LIPE: variants seen among roughly 807,000 people sequenced by gnomAD.
The protein encoded by LIPE is lipase E, hormone sensitive type.
A neutral mutation model predicts 88.5 loss-of-function variants in LIPE; 66 were observed. The ratio of observed to expected loss-of-function variants is 0.75; its 90% CI spans 0.61 to 0.91. The LOEUF (loss-of-function observed/expected upper bound fraction) is 0.91. Ranked by LOEUF, LIPE falls within the 40% of genes least tolerant of loss-of-function variation. LIPE has a pLI of 0.00. For synonymous variants in LIPE, 570 were observed against 617.5 expected (o/e 0.92, Z 1.14); for missense variants, 1,346 against 1,434.7 (o/e 0.94, Z 1.00).
chr19:42,415,279 A>C (rs1277238018), intron 1 of LIPE, among the ~76,000 whole-genome samples: 2 of 152,150 alleles, frequency 1.3e-5, no homozygotes, highest in Non-Finnish European at 2.9e-5. Context: ...AATAGAAATC[A>C]GGCCAATTAA....
rs2229615 is a variant in LIPE, at chr19:42,405,518, G to C, written c.2409C>G (p.Leu803=). Reference sequence around the variant, plus strand: ...CCCGCCGCACCAGCCCCATCATGCCGAGGGCTTTCTGGTCTGAGTTGGAGT... The same window carrying C: ...CCCGCCGCACCAGCCCCATCATGCCCAGGGCTTTCTGGTCTGAGTTGGAGT... The part of the protein sequence containing the change: ...EDHSNSDQKA[L]GMMGLVRRDT... The change falls in exon 8 of 10, where the codon CTC becomes CTG. Residue 803 remains leucine, a synonymous_variant. Transcript: ENST00000244289. The C allele has an allele frequency of 2.5e-6, 4 of 1,614,184 alleles. No individual in the cohort carries two copies. Among genetic ancestry groups the C allele is most frequent in the Non-Finnish European group, 3.4e-6 (4 of 1,180,026 alleles).
chr19:42,402,040 G>A lies in LIPE; in HGVS notation c.3003C>T (p.Val1001=). Reference sequence around the variant, plus strand: ...GGTTGCGCAGTCGCCGCGCGAGCATGACCGAGTCGTCCAGCATGGGGTCCA... The same window carrying A: ...GGTTGCGCAGTCGCCGCGCGAGCATAACCGAGTCGTCCAGCATGGGGTCCA... ...CALDPMLDDS[V]MLARRLRNLG... Residue 1001 remains valine, a synonymous_variant, in exon 10 of 10, where the codon GTC becomes GTT. Transcript: ENST00000244289. 1 of 1,529,614 alleles carries A rather than the reference G, an allele frequency of 6.5e-7. No homozygotes were observed. The highest frequency in any genetic ancestry group is 2.0e-5 in the Admixed American group (1 of 49,236). 94.8% of individuals were successfully genotyped at this position (1,529,614 alleles called of 1,614,324 possible).
intron 1 of LIPE, among the ~76,000 whole-genome samples, chr19:42,413,388 A>G (rs967612643): frequency 1.3e-5 from 2 of 152,212 alleles, no homozygotes; most frequent in African/African-American, 2.4e-5. Flanking sequence ...GCCTTGGGCC[A>G]GGCGTGGTGG....
In LIPE at chr19:42,405,450, G is replaced by T. The variant is rs747830282; in HGVS notation, c.2477C>A (p.Ser826Ter). The change falls in exon 8 of 10, where the codon TCA becomes TAA. Residue 826 changes from serine (S) to a stop codon, truncating the protein, a stop_gained. Coordinates refer to ENST00000244289, the MANE Select transcript of LIPE (RefSeq NM_005357.4). LOFTEE classifies it high-confidence loss of function. Reference sequence around the variant, plus strand: ...TAACTCCAGGAAGGAGTTGAGCCATGAGGAGGCACCCAGGCGGAAGTCTCG... The same window carrying T: ...TAACTCCAGGAAGGAGTTGAGCCATTAGGAGGCACCCAGGCGGAAGTCTCG... ...LLRDFRLGAS[S>*]WLNSFLELSG... 1 of 1,613,990 alleles carries T rather than the reference G, an allele frequency of 6.2e-7. No homozygotes were observed. The highest frequency in any genetic ancestry group is 8.5e-7 in the Non-Finnish European group (1 of 1,180,046).
intron 1 of LIPE, among the ~76,000 whole-genome samples, chr19:42,419,816 C>T (rs981841935): frequency 6.6e-6 from 1 of 152,020 alleles, no homozygotes; most frequent in Non-Finnish European, 1.5e-5. Flanking sequence ...GTGGCTGGAT[C>T]CCCGAGAGTG....
Position 42,410,202 on chromosome 19 carries a change from T to A in LIPE, c.1419+105A>T. On this transcript the variant is annotated intron_variant, in intron 2 of 9. Coordinates refer to ENST00000244289, the MANE Select transcript of LIPE (RefSeq NM_005357.4). This position sits in a 1 kb window ranked among gnomAD's most constrained non-coding sequence, Gnocchi z 6.1. ...CTTTCTGTACCTGCTGTTTGCTGAG[T>A]CCGATAATGCTGACCACTGGTTACT... The A allele has an allele frequency of 8.6e-7, 1 of 1,168,670 alleles. No homozygotes were observed. Among genetic ancestry groups the A allele is most frequent in the Non-Finnish European group, 1.2e-6 (1 of 848,712 alleles). The allele number at this position is 1,168,670 out of a possible 1,614,324, so 72.4% of individuals were successfully genotyped here.
chr19:42,403,470 C>CAA, intron 8 of LIPE, among the ~76,000 whole-genome samples: 1 of 147,492 alleles, frequency 6.8e-6, no homozygotes, highest in Non-Finnish European at 1.5e-5. Context: ...TTTTTTGAGA[C>CAA]AAAGTCTCGC....
chr19:42,423,197 G>A (rs1379134546), intron 1 of LIPE: 2 of 303,126 alleles, frequency 6.6e-6, no homozygotes, highest in Admixed American at 4.9e-5. Context: ...CTGCTCCCAA[G>A]CCGATCCGGG....
At chr19:42,417,535 G>A (rs995230430) in intron 1 of LIPE, among the ~76,000 whole-genome samples, 2 of 152,070 alleles carry the variant, frequency 1.3e-5, no homozygotes, top group African/African-American at 4.8e-5. Context: ...GAGTAGCTGG[G>A]AGAGTCACTG....
At chr19:42,418,059 C>T (rs1316111370) in intron 1 of LIPE, among the ~76,000 whole-genome samples, 2 of 151,700 alleles carry the variant, frequency 1.3e-5, no homozygotes, top group South Asian at 4.2e-4. Flanking sequence ...CTCAGCTCAC[C>T]GCAACCTCCG....
intron 1 of LIPE, among the ~76,000 whole-genome samples, chr19:42,417,569 T>C (rs7254956): frequency 0.036 from 5,445 of 152,166 alleles, 314 homozygotes; most frequent in African/African-American, 0.12. Flanking sequence ...TTTTGTGTTT[T>C]TTAAGAGACA....
Position 42,408,428 on chromosome 19 carries a change from G to A in LIPE, c.1420-106C>T. 4.5e-6 allele frequency: 4 copies of A among 888,670 alleles called. No individual in the cohort carries two copies. The highest frequency in any genetic ancestry group is 2.7e-5 in the South Asian group (2 of 73,232). The allele number at this position is 888,670 out of a possible 1,614,324, so 55.0% of individuals were successfully genotyped here. A position where few individuals can be genotyped will look rare whatever the true frequency, so the allele number is the denominator to read the frequency against. On this transcript the variant is annotated intron_variant, in intron 2 of 9. Transcript: ENST00000244289. This position sits in a 1 kb window ranked among gnomAD's most constrained non-coding sequence, Gnocchi z 4.3. ...GGGAAGACACATTCATTCAGTAAACGTTTCATGAGCTCCTACTGTGTGCTG... is the reference window on the plus strand; with the variant it reads ...GGGAAGACACATTCATTCAGTAAACATTTCATGAGCTCCTACTGTGTGCTG...
intron 1 of LIPE, 84 bp downstream of exon 1, chr19:42,426,183 T>C (rs2040703646): frequency 7.6e-7 from 1 of 1,313,182 alleles, no homozygotes; most frequent in South Asian, 1.4e-5. Flanking sequence ...AGAGCTAACC[T>C]GATACACCGT....
At position 42,410,246 on chromosome 19, in the gene LIPE, G is replaced by C; in HGVS notation, c.1419+61C>G. ...GGTTACTTTACCATACTATAGGCCA[G>C]GCCAGGGGCCACCAGGTGCCTTCAT... is the stretch of plus-strand genomic sequence containing the variant. On this transcript the variant is annotated intron_variant, in intron 2 of 9. Coordinates refer to ENST00000244289, the MANE Select transcript of LIPE (RefSeq NM_005357.4). This position sits in a 1 kb window ranked among gnomAD's most constrained non-coding sequence, Gnocchi z 6.1. 1 of 1,479,496 alleles carries C rather than the reference G, an allele frequency of 6.8e-7. No homozygotes were observed. The allele number at this position is 1,479,496 out of a possible 1,614,324, so 91.6% of individuals were successfully genotyped here. A position where few individuals can be genotyped will look rare whatever the true frequency, so the allele number is the denominator to read the frequency against.
At chr19:42,420,868 T>C (rs1297335881) in intron 1 of LIPE, among the ~76,000 whole-genome samples, 1 of 152,114 alleles carries the variant, frequency 6.6e-6, no homozygotes, top group Non-Finnish European at 1.5e-5. Context: ...CCCCCAATCC[T>C]GCACATGGCC....
intron 1 of LIPE, among the ~76,000 whole-genome samples, chr19:42,415,671 G>A (rs1465652426): frequency 5.3e-5 from 8 of 151,876 alleles, no homozygotes; most frequent in African/African-American, 1.7e-4. Context: ...TCAGCCGGGC[G>A]TGGTGGTGGG....
At position 42,408,344 on chromosome 19, in the gene LIPE, T is replaced by TCACCCAC; in HGVS notation, c.1420-29_1420-23dup. The stretch of plus-strand genomic sequence containing the variant: ...TGAACTGTGGAGAGACGCGGCTGCG[T>TCACCCAC]CACCCACCGCTCAAGAGAGGGATGG... On this transcript the variant is annotated intron_variant, in intron 2 of 9. Coordinates refer to ENST00000244289, the MANE Select transcript of LIPE (RefSeq NM_005357.4). This position sits in a 1 kb window ranked among gnomAD's most constrained non-coding sequence, Gnocchi z 4.3. The TCACCCAC allele has an allele frequency of 6.3e-7, 1 of 1,597,712 alleles. No individual in the cohort carries two copies. The highest frequency in any genetic ancestry group is 8.6e-7 in the Non-Finnish European group (1 of 1,165,454).
In LIPE at chr19:42,402,832, TG is replaced by T. The variant is rs773277393; in HGVS notation, c.2741del (p.Pro914HisfsTer15). 14 of 1,613,234 alleles carry T rather than the reference TG, an allele frequency of 8.7e-6. No homozygotes were observed. Among genetic ancestry groups the T allele is most frequent in the Non-Finnish European group, 1.2e-5 (14 of 1,179,652 alleles). On this transcript the variant is annotated frameshift_variant, in exon 9 of 10. Transcript: ENST00000244289. LOFTEE classifies it high-confidence loss of function. ...STPSDVNFLL[P>X]PEDAGEEAEA... is the part of the protein sequence containing the mutation. ...CAGCCTCTTCCCCTGCATCCTCAGG[TG>T]GTAATAAGAAGTTGACATCGGAGGG...
chr19:42,405,445 G>C lies in LIPE; in HGVS notation c.2482C>G (p.Leu828Val). 1 of 1,614,062 alleles carries C rather than the reference G, an allele frequency of 6.2e-7. No individual in the cohort carries two copies. Among genetic ancestry groups the C allele is most frequent in the Non-Finnish European group, 8.5e-7 (1 of 1,180,036 alleles). The part of the protein sequence containing the change: ...RDFRLGASSW[L>V]NSFLELSGRK... ...CCACTTAACTCCAGGAAGGAGTTGA[G>C]CCATGAGGAGGCACCCAGGCGGAAG... is the stretch of plus-strand genomic sequence containing the variant. The change falls in exon 8 of 10, where the codon CTC (leucine) becomes GTC (valine). Residue 828 changes from leucine (L) to valine (V), a missense_variant. Physicochemically the swap from Leu to Val is conservative, Grantham distance 32. Transcript: ENST00000244289.
Sources: allele counts gnomAD v4.1 joint callset (sites outside exome capture counted in the v4.1 genomes callset), GRCh38; gene constraint gnomAD v4.1.1; non-coding constraint Gnocchi (gnomAD v3.1); transcripts MANE v1.5; gene names NCBI Gene and HGNC (gene_info 2026-07-23, HGNC 2026-07-21).